The following CMSS1 variants were observed in gnomAD, a reference collection of about 807,000 sequenced individuals.
The protein encoded by CMSS1 is protein CMSS1.
Under a neutral mutation model 43.5 loss-of-function variants are expected in CMSS1, and 33 were observed. That is an observed-to-expected ratio of 0.76 (90% CI 0.57 to 1.01). The LOEUF is 1.01. CMSS1 is among the 50% of genes least tolerant of loss of function. The probability of loss-of-function intolerance (pLI) is 0.00; values close to 1 mark genes in which losing one functional copy is unlikely to be tolerated. For synonymous variants in CMSS1, 115 were observed against 117.2 expected (o/e 0.98, Z 0.12); for missense variants, 313 against 326.4 (o/e 0.96, Z 0.32).
In CMSS1 at chr3:100,136,699, G is replaced by A. The variant is rs1410410875; in HGVS notation, c.65-10274G>A. On this transcript the variant is annotated intron_variant, in intron 1 of 9. Coordinates refer to ENST00000421999, the MANE Select transcript of CMSS1 (RefSeq NM_032359.4). ...TAGAGGGTAGGGGTGAGATTTTGAT[G>A]GAAAAGGAAAGGAGACAAGGATAAA... Among the ~76,000 whole-genome samples, 5 of 152,244 alleles carry A rather than the reference G, an allele frequency of 3.3e-5. No individual in the cohort carries two copies. In the East Asian group the frequency reaches 9.6e-4, roughly 29 times the overall value.
chr3:99,920,422 A>C (rs2107649593), intron 1 of CMSS1, among the ~76,000 whole-genome samples: 1 of 152,334 alleles, frequency 6.6e-6, no homozygotes, highest in Non-Finnish European at 1.5e-5. Flanking sequence ...AAGGCCAAAA[A>C]TTATTGGCAT....
At chr3:99,987,468 G>T (rs190900441) in intron 1 of CMSS1, among the ~76,000 whole-genome samples, 3,087 of 148,204 alleles carry the variant, frequency 0.021, 52 homozygotes, top group Non-Finnish European at 0.035. Context: ...GGCAGAGGTT[G>T]CAGTGAGCCA....
rs1710263670 is a variant in CMSS1 at position 100,014,597 on chromosome 3, T to A, written c.65-132376T>A. Among the ~76,000 whole-genome samples the A allele has an allele frequency of 3.3e-5, 5 of 152,150 alleles. No individual in the cohort carries two copies. In the South Asian group the frequency reaches 1.0e-3, roughly 31 times the overall value. ...TTGTTTCCCTGATGTCTAGTGATGT[T>A]AAACATTTTTTCATATACCTGTTGG... is the stretch of plus-strand genomic sequence containing the variant. On this transcript the variant is annotated intron_variant, in intron 1 of 9. Coordinates refer to ENST00000421999, the MANE Select transcript of CMSS1 (RefSeq NM_032359.4).
At chr3:100,021,914 ATT>A (rs1559728518) in intron 1 of CMSS1, among the ~76,000 whole-genome samples, 1 of 86,592 alleles carries the variant, frequency 1.2e-5, no homozygotes, top group Non-Finnish European at 2.2e-5. Context: ...GCTAGATCCC[ATT>A]GTGTGTGTGT....
intron 1 of CMSS1, among the ~76,000 whole-genome samples, chr3:99,938,945 T>C (rs894483161): frequency 2.0e-5 from 3 of 152,188 alleles, no homozygotes; most frequent in Non-Finnish European, 4.4e-5. Flanking sequence ...GAAAACAAGA[T>C]AACCTAATTT....
chr3:100,068,150 T>C (rs577967905), intron 1 of CMSS1, among the ~76,000 whole-genome samples: 1 of 152,232 alleles, frequency 6.6e-6, no homozygotes, highest in Non-Finnish European at 1.5e-5. Flanking sequence ...GCACATTTAA[T>C]CAAAGAAATA....
At chr3:100,155,707 G>GC (rs2066965692) in intron 2 of CMSS1, among the ~76,000 whole-genome samples, 1 of 152,134 alleles carries the variant, frequency 6.6e-6, no homozygotes, top group African/African-American at 2.4e-5. Flanking sequence ...TAAATTTTTT[G>GC]AGACTTCATA....
At chr3:100,056,235 C>T (rs568033458) in intron 1 of CMSS1, among the ~76,000 whole-genome samples, 25 of 152,138 alleles carry the variant, frequency 1.6e-4, no homozygotes, top group Non-Finnish European at 3.1e-4. Flanking sequence ...GGCTAGGAAC[C>T]AAGTCTGACT....
rs549135321 is a variant in CMSS1 at position 100,089,557 on chromosome 3, C to CA, written c.65-57415dup. Among the ~76,000 whole-genome samples the CA allele has an allele frequency of 5.0e-3, 759 of 152,294 alleles. 4 individuals carry two copies. The highest frequency in any genetic ancestry group is 0.017 in the African/African-American group (714 of 41,556). On this transcript the variant is annotated intron_variant, in intron 1 of 9. Coordinates refer to ENST00000421999, the MANE Select transcript of CMSS1 (RefSeq NM_032359.4). ...CATGTCAAGCAAAAAGGATAGGAAG[C>CA]AGAAACATTTCTAAAACTGAACAAT...
At chr3:100,165,255 A>G (rs1267026986) in intron 4 of CMSS1, among the ~76,000 whole-genome samples, 2 of 152,168 alleles carry the variant, frequency 1.3e-5, no homozygotes, top group Non-Finnish European at 1.5e-5. Flanking sequence ...TACTCACTTA[A>G]TGAGTTATAT....
At chr3:99,906,884 T>C (rs1250498353) in intron 1 of CMSS1, among the ~76,000 whole-genome samples, 3 of 152,214 alleles carry the variant, frequency 2.0e-5, no homozygotes, top group Non-Finnish European at 4.4e-5. Context: ...TACCATGCCC[T>C]ATAACAGAGA....
At chr3:99,897,398 C>CTA (rs1343050163) in intron 1 of CMSS1, among the ~76,000 whole-genome samples, 3 of 151,852 alleles carry the variant, frequency 2.0e-5, no homozygotes, top group Non-Finnish European at 4.4e-5. Context: ...CTTACTTGTT[C>CTA]TATACCTTTG....
chr3:100,152,234 G>A (rs2066924673), intron 2 of CMSS1, among the ~76,000 whole-genome samples: 1 of 150,440 alleles, frequency 6.6e-6, no homozygotes, highest in Non-Finnish European at 1.5e-5. Context: ...AAAGCAGAAT[G>A]GGTTTGCAAC....
chr3:99,941,792 A>T (rs1240967905), intron 1 of CMSS1, among the ~76,000 whole-genome samples: 3 of 152,206 alleles, frequency 2.0e-5, no homozygotes, highest in Non-Finnish European at 2.9e-5. Context: ...GAAAAAATAT[A>T]TTGATTTATC....
At chr3:100,132,396 C>G (rs1559767195) in intron 1 of CMSS1, among the ~76,000 whole-genome samples, 1 of 151,912 alleles carries the variant, frequency 6.6e-6, no homozygotes, top group Non-Finnish European at 1.5e-5. Flanking sequence ...GAATGAAAGC[C>G]TATCTCTAAA....
chr3:100,134,571 T>C (rs958626274), intron 1 of CMSS1, among the ~76,000 whole-genome samples: 1 of 152,120 alleles, frequency 6.6e-6, no homozygotes, highest in Non-Finnish European at 1.5e-5. Context: ...ATAATATTAA[T>C]AAACCAGATG....
At chr3:99,938,991 T>G (rs1048232979) in intron 1 of CMSS1, among the ~76,000 whole-genome samples, 3 of 152,236 alleles carry the variant, frequency 2.0e-5, no homozygotes, top group Non-Finnish European at 1.5e-5. Context: ...TCTCCCATTT[T>G]CAGTAAAAAT....
chr3:99,972,013 G>A (rs1481316197), intron 1 of CMSS1, among the ~76,000 whole-genome samples: 1 of 152,174 alleles, frequency 6.6e-6, no homozygotes, highest in Non-Finnish European at 1.5e-5. Context: ...TCAGCAAATG[G>A]ATAAGATGGT....
At chr3:99,992,431 G>T (rs1709551631) in intron 1 of CMSS1, among the ~76,000 whole-genome samples, 1 of 151,964 alleles carries the variant, frequency 6.6e-6, no homozygotes, top group South Asian at 2.1e-4. Context: ...GTAATGTTGA[G>T]AATTTTTTCA....
Sources: allele counts gnomAD v4.1 joint callset (sites outside exome capture counted in the v4.1 genomes callset), GRCh38; gene constraint gnomAD v4.1.1; transcripts MANE v1.5; gene names NCBI Gene and HGNC (gene_info 2026-07-23, HGNC 2026-07-21).